Variants in AKAP6 observed in about 807,000 individuals in gnomAD.
AKAP6 encodes A-kinase anchor protein 6.
In AKAP6, 58 loss-of-function variants were observed where a neutral mutation model predicts 188.5. The observed-to-expected ratio is 0.31, with a 90% CI of 0.25 to 0.38. The LOEUF (loss-of-function observed/expected upper bound fraction) is 0.38, where lower values mean the gene tolerates loss of function less well. Ranked by LOEUF, AKAP6 falls within the 10% of genes least tolerant of loss-of-function variation. The pLI is 1.00. For missense variants in AKAP6, 2,710 were observed against 2,740.0 expected (o/e 0.99, Z 0.24); for synonymous variants, 989 against 998.6 (o/e 0.99, Z 0.18).
intron 9 of AKAP6, among the ~76,000 whole-genome samples, chr14:32,708,878 G>A (rs1594869100): frequency 6.6e-6 from 1 of 151,870 alleles, no homozygotes; most frequent in East Asian, 1.9e-4. Flanking sequence ...AAACATTCCT[G>A]TCTGTATGAT....
intron 9 of AKAP6, among the ~76,000 whole-genome samples, chr14:32,711,863 C>G (rs2029888315): frequency 6.6e-6 from 1 of 151,976 alleles, no homozygotes; most frequent in Admixed American, 6.6e-5. Context: ...TTCTTATCCT[C>G]TCAGGCCTCA....
intron 1 of AKAP6, among the ~76,000 whole-genome samples, chr14:32,331,635 T>A (rs536580126): frequency 6.6e-6 from 1 of 152,122 alleles, no homozygotes; most frequent in Non-Finnish European, 1.5e-5. Context: ...CATGTCTTAA[T>A]TACTGGCTAA....
At chr14:32,756,898 C>G (rs1247578821) in intron 11 of AKAP6, among the ~76,000 whole-genome samples, 3 of 152,064 alleles carry the variant, frequency 2.0e-5, no homozygotes, top group Non-Finnish European at 2.9e-5. Context: ...ACGTGCTGAC[C>G]TGGAGCTGGG....
At chr14:32,733,388 A>G (rs1362937738) in intron 10 of AKAP6, 1 of 152,182 alleles carries the variant, frequency 6.6e-6, no homozygotes, top group Non-Finnish European at 1.5e-5. Context: ...AATCAAGGGT[A>G]AGCTATATTT....
intron 12 of AKAP6, among the ~76,000 whole-genome samples, chr14:32,801,365 AC>A (rs2033944135): frequency 6.6e-6 from 1 of 152,222 alleles, no homozygotes; most frequent in African/African-American, 2.4e-5. Context: ...ATCCGAGTTT[AC>A]CTTCAAACAA....
At chr14:32,793,643 C>T (rs914221651) in intron 12 of AKAP6, among the ~76,000 whole-genome samples, 1 of 151,710 alleles carries the variant, frequency 6.6e-6, no homozygotes, top group African/African-American at 2.4e-5. Flanking sequence ...CAAAGATACT[C>T]AGGACCCAAA....
At chr14:32,707,759 C>A (rs1370984667) in intron 9 of AKAP6, among the ~76,000 whole-genome samples, 1 of 152,066 alleles carries the variant, frequency 6.6e-6, no homozygotes, top group Non-Finnish European at 1.5e-5. Context: ...ACAAAACAGT[C>A]TATTTTTATG....
At chr14:32,780,359 C>T (rs961898282) in intron 12 of AKAP6, among the ~76,000 whole-genome samples, 11 of 151,538 alleles carry the variant, frequency 7.3e-5, no homozygotes, top group African/African-American at 2.7e-4. Context: ...AAGAAAGAAA[C>T]AGAGAATCTG....
In AKAP6 at chr14:32,681,676, A is replaced by AT. The variant is rs1238926762; in HGVS notation, c.2879+3217_2879+3218insT. On this transcript the variant is annotated intron_variant, in intron 8 of 13. Transcript: ENST00000280979. ...AATTAACTCATTCATTAATTTGACAAATTTTTTTTTTTTTTTTTTTGAGAT... is the reference window on the plus strand; with the variant it reads ...AATTAACTCATTCATTAATTTGACAATATTTTTTTTTTTTTTTTTTTGAGAT... Among the ~76,000 whole-genome samples, 27 of 119,306 alleles carry AT rather than the reference A, an allele frequency of 2.3e-4. 1 individual carries two copies. Among genetic ancestry groups the AT allele is most frequent in the African/African-American group, 3.9e-4 (11 of 28,080 alleles). The allele number at this position is 119,306 out of a possible 152,430, so 78.3% of individuals were successfully genotyped here.
In AKAP6 at chr14:32,546,435, G is replaced by A. The variant is rs201527872; in HGVS notation, c.1782G>A (p.Pro594=). The A allele has an allele frequency of 2.7e-5, 43 of 1,614,120 alleles. No homozygotes were observed. In the Admixed American group the frequency reaches 3.7e-4, roughly 14 times the overall value. ...SSVGSDNIMS[P]VPLLSKHKSK... ...TTGGCTCAGACAACATCATGTCTCC[G>A]GTGCCACTTCTTTCAAAACACAAAA... is the stretch of plus-strand genomic sequence containing the variant. Residue 594 remains proline, a synonymous_variant, in exon 4 of 14, where the codon CCG becomes CCA. Transcript: ENST00000280979.
At chr14:32,420,909 T>TTTTTTTTGTG (rs1555327187) in intron 1 of AKAP6, among the ~76,000 whole-genome samples, 1 of 146,410 alleles carries the variant, frequency 6.8e-6, no homozygotes, top group Admixed American at 6.9e-5. Flanking sequence ...GGAGATTGAT[T>TTTTTTTTGTG]TGTGTGTGTG....
At chr14:32,826,795 C>T (rs555449737) in intron 13 of AKAP6, among the ~76,000 whole-genome samples, 120 of 152,256 alleles carry the variant, frequency 7.9e-4, no homozygotes, top group African/African-American at 2.8e-3. Flanking sequence ...ATTTTACAAG[C>T]AGGGACAATG....
chr14:32,748,080 G>A (rs987548107), intron 11 of AKAP6, among the ~76,000 whole-genome samples: 1 of 152,142 alleles, frequency 6.6e-6, no homozygotes, highest in Non-Finnish European at 1.5e-5. Flanking sequence ...GAGAATGAAT[G>A]TTTCTACTCT....
At position 32,599,472 on chromosome 14, in the gene AKAP6, C is replaced by T; in HGVS notation, c.2532C>T (p.His844=). The T allele has an allele frequency of 3.1e-6, 5 of 1,613,312 alleles. No homozygotes were observed. Among genetic ancestry groups the T allele is most frequent in the East Asian group, 2.2e-5 (1 of 44,842 alleles). Residue 844 remains histidine, a synonymous_variant, in exon 6 of 14, where the codon CAC becomes CAT. Transcript: ENST00000280979. The stretch of plus-strand genomic sequence containing the variant: ...AGGAAGCTGTGGAGGAGGAAGGACA[C>T]CAACTTCTTGAGCTTATTGCATCTC... The part of the protein sequence containing the change: ...ALKEAVEEEG[H]QLLELIASHK...
chr14:32,399,965 C>T (rs1889028668), intron 1 of AKAP6, among the ~76,000 whole-genome samples: 1 of 152,026 alleles, frequency 6.6e-6, no homozygotes, highest in Non-Finnish European at 1.5e-5. Context: ...TGTGAGAATC[C>T]TGTGTGACCT....
chr14:32,609,494 A>G (rs1287168916), intron 7 of AKAP6, among the ~76,000 whole-genome samples: 1 of 152,100 alleles, frequency 6.6e-6, no homozygotes, highest in African/African-American at 2.4e-5. Flanking sequence ...GGACCATCTC[A>G]CTGCAGGTTC....
At chr14:32,502,196 CTT>C (rs984234598) in intron 2 of AKAP6, among the ~76,000 whole-genome samples, 31 of 152,076 alleles carry the variant, frequency 2.0e-4, no homozygotes, top group Admixed American at 2.6e-4. Context: ...CAGAAGTGCT[CTT>C]AATGGTGAAA....
chr14:32,708,275 A>G (rs944687233), intron 9 of AKAP6, among the ~76,000 whole-genome samples: 1 of 151,974 alleles, frequency 6.6e-6, no homozygotes, highest in African/African-American at 2.4e-5. Flanking sequence ...ACGACTTCAG[A>G]TGAGTGTGTG....
rs527998586 is a variant in AKAP6, at chr14:32,613,493, A to C, written c.2730+12701A>C. On this transcript the variant is annotated intron_variant, in intron 7 of 13. Coordinates refer to ENST00000280979, the MANE Select transcript of AKAP6 (RefSeq NM_004274.5). ...TTTGAATTATGAGGAATTTTGGAAA[A>C]CTCCTCTGTCTCATTTCTTTTCTTC... Among the ~76,000 whole-genome samples the C allele has an allele frequency of 1.3e-4, 19 of 151,234 alleles. 1 individual carries two copies. The South Asian group carries it at 4.0e-3, about 32-fold the overall frequency.
Sources: gnomAD v4.1 joint callset for allele counts (sites outside exome capture counted in the v4.1 genomes callset) on GRCh38, gnomAD v4.1.1 for gene constraint, MANE v1.5 for transcripts, NCBI Gene and HGNC (gene_info 2026-07-23, HGNC 2026-07-21) for gene names.